NEDD4L: variants seen among roughly 807,000 people sequenced by gnomAD.
The protein encoded by NEDD4L is NEDD4 like E3 ubiquitin protein ligase.
In NEDD4L, 54 loss-of-function variants were observed where a neutral mutation model predicts 148.9. That is an observed-to-expected ratio of 0.36 (90% CI 0.29 to 0.45). NEDD4L has a LOEUF of 0.45. Among genes scored for constraint, NEDD4L ranks in the 20% least tolerant of loss-of-function variants. The pLI is 1.00. For missense variants in NEDD4L, 856 were observed against 1,233.8 expected, an observed-to-expected ratio of 0.69 and a Z score of 4.59; for synonymous variants, 433 against 440.7, an observed-to-expected ratio of 0.98 and a Z score of 0.22.
Position 58,297,036 on chromosome 18 carries a change from G to A in NEDD4L, c.298-18946G>A, listed in dbSNP as rs113109052. On this transcript the variant is annotated intron_variant, in intron 5 of 30. Transcript: ENST00000400345. ...CAGGAGGTGGAGGTTGCAGTGAGCC[G>A]AGATCACGCCACTGCACTCCACCCT... 1.8e-3 allele frequency among the ~76,000 whole-genome samples: 269 copies of A among 152,266 alleles called. 2 individuals carry two copies. Among genetic ancestry groups the A allele is most frequent in the African/African-American group, 6.3e-3 (260 of 41,546 alleles).
At chr18:58,322,276 C>T (rs1194674610) in intron 6 of NEDD4L, 149 bp from the exon 7 acceptor site, 38 of 664,298 alleles carry the variant, frequency 5.7e-5, no homozygotes, top group Non-Finnish European at 8.4e-5. Flanking sequence ...AGATCAGTTC[C>T]GTGGACTGTC....
rs577550573 is a variant in NEDD4L, at chr18:58,316,909, G to A, written c.348+877G>A. On this transcript the variant is annotated intron_variant, in intron 6 of 30. Transcript: ENST00000400345. The stretch of plus-strand genomic sequence containing the variant: ...TGTGTTATTTTTTTAAATGCTTTGT[G>A]TGAGCAAATAGCATAAATAGTCTAT... 8.0e-5 allele frequency among the ~76,000 whole-genome samples: 11 copies of A among 138,304 alleles called. No individual in the cohort carries two copies. In the East Asian group the frequency reaches 2.1e-3, roughly 26 times the overall value. 90.7% of individuals were successfully genotyped at this position (138,304 alleles called of 152,430 possible).
chr18:58,199,140 A>T (rs906348871), intron 2 of NEDD4L, among the ~76,000 whole-genome samples: 1 of 152,242 alleles, frequency 6.6e-6, no homozygotes, highest in Non-Finnish European at 1.5e-5. Context: ...ATACTCATTT[A>T]TATAGTCTAA....
At chr18:58,346,556 G>A (rs1477359449) in intron 16 of NEDD4L, among the ~76,000 whole-genome samples, 2 of 152,166 alleles carry the variant, frequency 1.3e-5, no homozygotes, top group Non-Finnish European at 2.9e-5. Context: ...ATTACTCTAG[G>A]TGTGGTTGCT....
At chr18:58,317,704 G>A (rs1435519172) in intron 6 of NEDD4L, among the ~76,000 whole-genome samples, 3 of 152,152 alleles carry the variant, frequency 2.0e-5, no homozygotes, top group Non-Finnish European at 2.9e-5. Flanking sequence ...CTGAGTGGAG[G>A]CAGGGTCAGT....
In NEDD4L at chr18:58,389,168, C is replaced by T. The variant is rs1422019574; in HGVS notation, c.2631C>T (p.His877=). The T allele has an allele frequency of 1.9e-6, 3 of 1,613,762 alleles. No homozygotes were observed. Among genetic ancestry groups the T allele is most frequent in the Non-Finnish European group, 2.5e-6 (3 of 1,179,668 alleles). Residue 877 remains histidine, a synonymous_variant, in exon 28 of 31, where the codon CAC becomes CAT. Transcript: ENST00000400345. ...SIYKNGYCPN[H]PVIQWFWKAV... ...ACAAGAACGGCTACTGCCCAAACCA[C>T]CCCGTCATTCAGTGGTTCTGGAAGG...
chr18:58,063,440 C>T (rs1008841971), intron 1 of NEDD4L, among the ~76,000 whole-genome samples: 1 of 152,068 alleles, frequency 6.6e-6, no homozygotes, highest in Admixed American at 6.6e-5. Context: ...GTCTATTATA[C>T]TATTACTGTT....
intron 5 of NEDD4L, among the ~76,000 whole-genome samples, chr18:58,271,013 G>T (rs1600506559): frequency 6.6e-6 from 1 of 152,028 alleles, no homozygotes; most frequent in South Asian, 2.1e-4. Context: ...TTGGATGTAA[G>T]AATTCAGTGG....
At chr18:58,080,026 C>T (rs987280670) in intron 1 of NEDD4L, among the ~76,000 whole-genome samples, 11 of 152,206 alleles carry the variant, frequency 7.2e-5, no homozygotes, top group Admixed American at 4.6e-4. Context: ...CTCCTGGGCT[C>T]GAGCCATCCT....
chr18:58,313,500 C>T (rs1370354500), intron 5 of NEDD4L, among the ~76,000 whole-genome samples: 1 of 152,210 alleles, frequency 6.6e-6, no homozygotes, highest in Non-Finnish European at 1.5e-5. Flanking sequence ...CCGTTTAAAG[C>T]CAGCATCCAG....
intron 1 of NEDD4L, among the ~76,000 whole-genome samples, chr18:58,111,052 A>T (rs1476148914): frequency 6.6e-6 from 1 of 152,176 alleles, no homozygotes; most frequent in South Asian, 2.1e-4. Context: ...TGCAACCATC[A>T]TTATGATGTT....
chr18:58,047,211 A>G (rs2081625168), intron 1 of NEDD4L: 2 of 983,694 alleles, frequency 2.0e-6, no homozygotes, highest in African/African-American at 1.7e-5. Context: ...GCTGCAGAAT[A>G]TCACATATGA....
chr18:58,377,703 G>C (rs568553613), intron 24 of NEDD4L, among the ~76,000 whole-genome samples: 1 of 152,102 alleles, frequency 6.6e-6, no homozygotes, highest in South Asian at 2.1e-4. Flanking sequence ...ATTCTTTATT[G>C]CAAGTTCAGC....
At chr18:58,220,466 C>A (rs2043616087) in intron 2 of NEDD4L, among the ~76,000 whole-genome samples, 1 of 152,088 alleles carries the variant, frequency 6.6e-6, no homozygotes, top group South Asian at 2.1e-4. Context: ...ATGTTTCTAG[C>A]TGAACCCTGG....
chr18:58,107,033 C>T (rs919030949), intron 1 of NEDD4L, among the ~76,000 whole-genome samples: 6 of 152,164 alleles, frequency 3.9e-5, no homozygotes, highest in Admixed American at 1.3e-4. Flanking sequence ...TGTTGACAGG[C>T]ATGGGTTCTT....
intron 8 of NEDD4L, among the ~76,000 whole-genome samples, chr18:58,323,970 C>T (rs774040927): frequency 1.7e-4 from 26 of 152,190 alleles, no homozygotes; most frequent in Non-Finnish European, 3.5e-4. Context: ...AACGAGACCT[C>T]TCTAGGGCTT....
chr18:58,132,122 G>C (rs1012146571), intron 1 of NEDD4L, among the ~76,000 whole-genome samples: 1 of 152,182 alleles, frequency 6.6e-6, no homozygotes, highest in Non-Finnish European at 1.5e-5. Context: ...AGAAACCACA[G>C]ACCCAGGGCT....
intron 2 of NEDD4L, among the ~76,000 whole-genome samples, chr18:58,214,960 C>T (rs574626): frequency 0.4 from 61,164 of 151,464 alleles, 12,939 homozygotes; most frequent in African/African-American, 0.53. Flanking sequence ...TATAGGCATG[C>T]ACCACCATGC....
intron 1 of NEDD4L, among the ~76,000 whole-genome samples, chr18:58,087,350 A>T (rs567575553): frequency 6.6e-6 from 1 of 152,342 alleles, no homozygotes; most frequent in Non-Finnish European, 1.5e-5. Flanking sequence ...CAGTCTCCTG[A>T]AAGGCCCTCC....
Sources: allele counts gnomAD v4.1 joint callset (sites outside exome capture counted in the v4.1 genomes callset), GRCh38; gene constraint gnomAD v4.1.1; transcripts MANE v1.5; gene names NCBI Gene and HGNC (gene_info 2026-07-23, HGNC 2026-07-21).